Variants in OR56A1 observed in about 807,000 individuals in gnomAD.
OR56A1 encodes olfactory receptor 56A1.
For synonymous variants in OR56A1, 174 were observed against 159.1 expected (o/e 1.09, Z -0.70); for missense variants, 360 against 380.9 (o/e 0.94, Z 0.46).
upstream of OR56A1, among the ~76,000 whole-genome samples, chr11:6,033,032 T>G (rs1413815800): frequency 6.6e-6 from 1 of 152,120 alleles, no homozygotes; most frequent in Non-Finnish European, 1.5e-5. Context: ...TGACATAATC[T>G]TCATATCTCT....
rs1848383289 is a variant in OR56A1 at position 6,020,383 on chromosome 11, G to C, written c.*6365C>G. 1 of 152,084 alleles carries C rather than the reference G, an allele frequency of 6.6e-6. No individual in the cohort carries two copies. The highest frequency in any genetic ancestry group is 2.4e-5 in the African/African-American group (1 of 41,440). 9.4% of individuals were successfully genotyped at this position (152,084 alleles called of 1,614,324 possible). ...GTTTGACTGGAATAGCATTGAATCT[G>C]TAAATTGCTTTTGGGCAGTGTAGTG... On this transcript the variant is annotated 3_prime_UTR_variant, in exon 2 of 2. Transcript: ENST00000641900.
In OR56A1 at chr11:6,025,854, T is replaced by C. The variant is rs1433898076; in HGVS notation, c.*894A>G. On this transcript the variant is annotated 3_prime_UTR_variant, in exon 2 of 2. Coordinates refer to ENST00000641900, the MANE Select transcript of OR56A1 (RefSeq NM_001388488.1). ...ACTTAAACAATTGTTTACATTAAAT[T>C]ATCTGTAAATAACCAGTGTAAGGTT... The C allele has an allele frequency of 6.6e-6, 1 of 152,222 alleles. No homozygotes were observed. Among genetic ancestry groups the C allele is most frequent in the African/African-American group, 2.4e-5 (1 of 41,454 alleles). The allele number at this position is 152,222 out of a possible 1,614,324, so 9.4% of individuals were successfully genotyped here.
At chr11:6,031,937 G>A (rs1848516485), upstream of OR56A1, among the ~76,000 whole-genome samples, 1 of 152,028 alleles carries the variant, frequency 6.6e-6, no homozygotes, top group East Asian at 1.9e-4. Context: ...GGGCTAGAAA[G>A]GTATAAAGAA....
chr11:6,032,299 G>T (rs1848520258), upstream of OR56A1, among the ~76,000 whole-genome samples: 1 of 152,052 alleles, frequency 6.6e-6, no homozygotes, highest in African/African-American at 2.4e-5. Context: ...TATTCAGAAG[G>T]AAAGTAAGAT....
rs1848461688 is a variant in OR56A1 at position 6,027,298 on chromosome 11, G to C, written c.395C>G (p.Pro132Arg). ...AYDRYVAICH[P>R]LRYPSIITNQ... is the part of the protein sequence containing the mutation. ...AGTGATGATGGATGGGTACCGCAGTGGGTGGCAGATGGCCACATAACGGTC... is the reference window on the plus strand; with the variant it reads ...AGTGATGATGGATGGGTACCGCAGTCGGTGGCAGATGGCCACATAACGGTC... The change falls in exon 2 of 2, where the codon CCA becomes CGA. Residue 132 changes from proline (P) to arginine (R), a missense_variant. Transcript: ENST00000641900. The C allele has an allele frequency of 3.1e-6, 5 of 1,614,208 alleles. No individual in the cohort carries two copies. Among genetic ancestry groups the C allele is most frequent in the African/African-American group, 1.3e-5 (1 of 75,052 alleles).
At position 6,024,544 on chromosome 11, in the gene OR56A1, G is replaced by A. The variant is rs549788425; in HGVS notation, c.*2204C>T. On this transcript the variant is annotated 3_prime_UTR_variant, in exon 2 of 2. Transcript: ENST00000641900. ...TTGAAAATATCACCTGATTACAGAT[G>A]TATTATATTCCTATGAATTATATCC... 10 of 152,250 alleles carry A rather than the reference G, an allele frequency of 6.6e-5. No homozygotes were observed. The highest frequency in any genetic ancestry group is 2.1e-4 in the South Asian group (1 of 4,812). 9.4% of individuals were successfully genotyped at this position (152,250 alleles called of 1,614,324 possible).
rs1316198019 is a variant in OR56A1 at position 6,021,728 on chromosome 11, TA to T, written c.*5019del. On this transcript the variant is annotated 3_prime_UTR_variant, in exon 2 of 2. Transcript: ENST00000641900. The stretch of plus-strand genomic sequence containing the variant: ...ACAAACCCCCAAAGGCAGATGGCAT[TA>T]AAAAAACAATAAAAAGCAATGATCA... 5 of 151,846 alleles carry T rather than the reference TA, an allele frequency of 3.3e-5. No homozygotes were observed. Among genetic ancestry groups the T allele is most frequent in the African/African-American group, 9.7e-5 (4 of 41,330 alleles). The allele number at this position is 151,846 out of a possible 1,614,324, so 9.4% of individuals were successfully genotyped here. A position where few individuals can be genotyped will look rare whatever the true frequency, so the allele number is the denominator to read the frequency against.
chr11:6,024,307 A>G lies in OR56A1; in HGVS notation c.*2441T>C, dbSNP rs1351519655. 6.6e-6 allele frequency: 1 copy of G among 152,164 alleles called. No individual in the cohort carries two copies. Among genetic ancestry groups the G allele is most frequent in the African/African-American group, 2.4e-5 (1 of 41,418 alleles). The allele number at this position is 152,164 out of a possible 1,614,324, so 9.4% of individuals were successfully genotyped here. ...CCCTACAACAAAGTTGGTAGTTTCTATCCCTATGTACACCCAGTTTGAGTC... is the reference window on the plus strand; with the variant it reads ...CCCTACAACAAAGTTGGTAGTTTCTGTCCCTATGTACACCCAGTTTGAGTC... On this transcript the variant is annotated 3_prime_UTR_variant, in exon 2 of 2. Coordinates refer to ENST00000641900, the MANE Select transcript of OR56A1 (RefSeq NM_001388488.1).
chr11:6,027,511 G>A lies in OR56A1; in HGVS notation c.182C>T (p.Pro61Leu). 10 of 1,614,080 alleles carry A rather than the reference G, an allele frequency of 6.2e-6. No homozygotes were observed. The highest frequency in any genetic ancestry group is 8.5e-6 in the Non-Finnish European group (10 of 1,180,016). ...GAGGAGGCTGAGCAGGTAGTACAGG[G>A]GCTGGTGCAGAGAGGCCTCCAGCTG... is the stretch of plus-strand genomic sequence containing the variant. ...TIQLEASLHQ[P>L]LYYLLSLLSL... Residue 61 changes from proline (P) to leucine (L), a missense_variant, in exon 2 of 2, where the codon CCC becomes CTC. Coordinates refer to ENST00000641900, the MANE Select transcript of OR56A1 (RefSeq NM_001388488.1).
chr11:6,032,186 T>C (rs1848519097), upstream of OR56A1, among the ~76,000 whole-genome samples: 2 of 152,172 alleles, frequency 1.3e-5, no homozygotes, highest in Non-Finnish European at 1.5e-5. Flanking sequence ...ATGGGGAAAG[T>C]TGACTGTGTA....
In OR56A1 at chr11:6,025,057, C is replaced by G. The variant is rs1848433558; in HGVS notation, c.*1691G>C. 3 of 152,214 alleles carry G rather than the reference C, an allele frequency of 2.0e-5. No individual in the cohort carries two copies. The highest frequency in any genetic ancestry group is 2.0e-4 in the Admixed American group (3 of 15,280). The allele number at this position is 152,214 out of a possible 1,614,324, so 9.4% of individuals were successfully genotyped here. ...ATGTGGGGCAGTTGATCTTACTCCTCTTACCAGCTTCATGTCAATTCCTTC... is the reference window on the plus strand; with the variant it reads ...ATGTGGGGCAGTTGATCTTACTCCTGTTACCAGCTTCATGTCAATTCCTTC... On this transcript the variant is annotated 3_prime_UTR_variant, in exon 2 of 2. Transcript: ENST00000641900.
At position 6,020,723 on chromosome 11, in the gene OR56A1, T is replaced by C. The variant is rs557454823; in HGVS notation, c.*6025A>G. On this transcript the variant is annotated 3_prime_UTR_variant, in exon 2 of 2. Coordinates refer to ENST00000641900, the MANE Select transcript of OR56A1 (RefSeq NM_001388488.1). The stretch of plus-strand genomic sequence containing the variant: ...GGTTTTGGGCCTAGACTGTGGGGTT[T>C]TCTATATATAGAATCATGTCATCTG... The C allele has an allele frequency of 6.6e-6, 1 of 152,244 alleles. No individual in the cohort carries two copies. Among genetic ancestry groups the C allele is most frequent in the African/African-American group, 2.4e-5 (1 of 41,560 alleles). 9.4% of individuals were successfully genotyped at this position (152,244 alleles called of 1,614,324 possible).
chr11:6,027,956 T>G (rs1590488766), intron 1 of OR56A1, among the ~76,000 whole-genome samples: 1 of 150,780 alleles, frequency 6.6e-6, no homozygotes, highest in South Asian at 2.1e-4. Context: ...AAAAGGGTAG[T>G]GACAGGCAGT....
Position 6,023,545 on chromosome 11 carries a change from A to G in OR56A1, c.*3203T>C, listed in dbSNP as rs527825352. The G allele has an allele frequency of 6.6e-6, 1 of 152,310 alleles. No homozygotes were observed. Among genetic ancestry groups the G allele is most frequent in the South Asian group, 2.1e-4 (1 of 4,826 alleles). The allele number at this position is 152,310 out of a possible 1,614,324, so 9.4% of individuals were successfully genotyped here. A position where few individuals can be genotyped will look rare whatever the true frequency, so the allele number is the denominator to read the frequency against. ...CAATGATATCAGATCTTCCTGCTCA[A>G]GAGGCTGTGTTCCTCACACAAATAT... On this transcript the variant is annotated 3_prime_UTR_variant, in exon 2 of 2. Transcript: ENST00000641900.
Position 6,026,707 on chromosome 11 carries a change from T to G in OR56A1, c.*41A>C. 7.8e-7 allele frequency: 1 copy of G among 1,279,264 alleles called. No individual in the cohort carries two copies. The highest frequency in any genetic ancestry group is 1.1e-6 in the Non-Finnish European group (1 of 907,934). 79.2% of individuals were successfully genotyped at this position (1,279,264 alleles called of 1,614,324 possible). A position where few individuals can be genotyped will look rare whatever the true frequency, so the allele number is the denominator to read the frequency against. ...TACTTCGCTGCCTAGGTAAAATCAC[T>G]GAAGAGGAAGAACAGGAGGTATTAG... is the stretch of plus-strand genomic sequence containing the variant. On this transcript the variant is annotated 3_prime_UTR_variant, in exon 2 of 2. Transcript: ENST00000641900.
intron 1 of OR56A1, among the ~76,000 whole-genome samples, 172 bp downstream of exon 1, chr11:6,030,530 G>A (rs549807408): frequency 1.3e-5 from 2 of 152,178 alleles, no homozygotes; most frequent in South Asian, 4.2e-4. Flanking sequence ...AGCAGGCAAT[G>A]CCATATATTA....
rs1352403305 is a variant in OR56A1 at position 6,025,714 on chromosome 11, TC to T, written c.*1033del. 10 of 152,334 alleles carry T rather than the reference TC, an allele frequency of 6.6e-5. No homozygotes were observed. Among genetic ancestry groups the T allele is most frequent in the African/African-American group, 2.4e-4 (10 of 41,570 alleles). The allele number at this position is 152,334 out of a possible 1,614,324, so 9.4% of individuals were successfully genotyped here. A position where few individuals can be genotyped will look rare whatever the true frequency, so the allele number is the denominator to read the frequency against. On this transcript the variant is annotated 3_prime_UTR_variant, in exon 2 of 2. Coordinates refer to ENST00000641900, the MANE Select transcript of OR56A1 (RefSeq NM_001388488.1). ...CTGAGATCCAGTTCTATGGGCCACT[TC>T]CTAGCCTTTTAGGTTCTAATGACCC...
At chr11:6,028,406 A>T (rs1015209482) in intron 1 of OR56A1, among the ~76,000 whole-genome samples, 1 of 152,084 alleles carries the variant, frequency 6.6e-6, no homozygotes, top group Non-Finnish European at 1.5e-5. Flanking sequence ...TTCCCTAATC[A>T]ACTTTCTCCT....
rs1848448724 is a variant in OR56A1, at chr11:6,026,507, A to G, written c.*241T>C. ...CAATGCCTGCAGAGATGTGTTGAAG[A>G]TTAAATTACTTAAATGTAACTGCCA... is the stretch of plus-strand genomic sequence containing the variant. On this transcript the variant is annotated 3_prime_UTR_variant, in exon 2 of 2. Coordinates refer to ENST00000641900, the MANE Select transcript of OR56A1 (RefSeq NM_001388488.1). The G allele has an allele frequency of 2.1e-6, 1 of 469,210 alleles. No individual in the cohort carries two copies. The highest frequency in any genetic ancestry group is 3.8e-6 in the Non-Finnish European group (1 of 266,656). The allele number at this position is 469,210 out of a possible 1,614,324, so 29.1% of individuals were successfully genotyped here.
Sources: allele counts gnomAD v4.1 joint callset (sites outside exome capture counted in the v4.1 genomes callset), GRCh38; gene constraint gnomAD v4.1.1; transcripts MANE v1.5; gene names NCBI Gene and HGNC (gene_info 2026-07-23, HGNC 2026-07-21).